VPS13B: variants seen among roughly 807,000 people sequenced by gnomAD.
VPS13B encodes intermembrane lipid transfer protein VPS13B.
VPS13B carries 285 observed loss-of-function variants against 426.4 expected under a neutral mutation model. That is an observed-to-expected ratio of 0.67 (90% confidence interval 0.61 to 0.74). The LOEUF is 0.74. VPS13B is among the 30% of genes least tolerant of loss of function. The pLI, the probability that VPS13B is intolerant of heterozygous loss-of-function variation, is 0.00. For missense variants in VPS13B, 4,537 were observed against 4,782.6 expected, an observed-to-expected ratio of 0.95 and a Z score of 1.51; for synonymous variants, 1,676 against 1,676.4, an observed-to-expected ratio of 1.00 and a Z score of 0.01.
chr8:99,125,579 C>CA (rs1206731953), intron 8 of VPS13B, among the ~76,000 whole-genome samples: 2 of 152,134 alleles, frequency 1.3e-5, no homozygotes, highest in Non-Finnish European at 2.9e-5. Flanking sequence ...TTAGAATATG[C>CA]AAAATCACAG....
At chr8:99,441,931 G>C (rs1433096638) in intron 22 of VPS13B, among the ~76,000 whole-genome samples, 4 of 152,028 alleles carry the variant, frequency 2.6e-5, no homozygotes. Flanking sequence ...GTTGTCTAGT[G>C]TTATAAATTG....
At chr8:99,064,952 T>G (rs1275311047) in intron 3 of VPS13B, among the ~76,000 whole-genome samples, 2 of 152,214 alleles carry the variant, frequency 1.3e-5, no homozygotes, top group East Asian at 3.8e-4. Context: ...GGGGCCAATA[T>G]TCAACATTCT....
At chr8:99,627,716 C>T (rs1029080563) in intron 33 of VPS13B, among the ~76,000 whole-genome samples, 6 of 152,104 alleles carry the variant, frequency 3.9e-5, no homozygotes, top group Non-Finnish European at 1.5e-5. Flanking sequence ...AATATCAAAA[C>T]GTCACACTGT....
At chr8:99,296,366 T>C (rs184569376) in intron 19 of VPS13B, among the ~76,000 whole-genome samples, 3 of 152,300 alleles carry the variant, frequency 2.0e-5, no homozygotes, top group Admixed American at 1.3e-4. Context: ...TAATTAATGA[T>C]AGAAAAATAT....
rs796074933 is a variant in VPS13B at position 99,833,694 on chromosome 8, A to G, written c.9614+1042A>G. On this transcript the variant is annotated intron_variant, in intron 52 of 61. Coordinates refer to ENST00000357162, the MANE Select transcript of VPS13B (RefSeq NM_152564.5). ...TGAAAGCTATATGAACTTATAATAA[A>G]TAAAACATTTTTTAAAAAACAAAAT... is the stretch of plus-strand genomic sequence containing the variant. 2.7e-4 allele frequency among the ~76,000 whole-genome samples: 41 copies of G among 152,380 alleles called. 1 individual carries two copies. Among genetic ancestry groups the G allele is most frequent in the African/African-American group, 9.6e-4 (40 of 41,602 alleles).
chr8:99,861,644 G>A (rs941850254), intron 57 of VPS13B, 132 bp from the exon 58 acceptor site: 1 of 1,203,054 alleles, frequency 8.3e-7, no homozygotes. Context: ...TTGCCTGAGA[G>A]GGAGCCACCA....
chr8:99,310,717 G>A (rs1016215360), intron 19 of VPS13B, among the ~76,000 whole-genome samples: 5 of 152,140 alleles, frequency 3.3e-5, no homozygotes, highest in Admixed American at 3.3e-4. Context: ...GAGTTAGGGA[G>A]GATTCCCTCT....
At chr8:99,515,161 A>G (rs1393185809) in intron 29 of VPS13B, among the ~76,000 whole-genome samples, 3 of 152,016 alleles carry the variant, frequency 2.0e-5, no homozygotes, top group African/African-American at 4.8e-5. Flanking sequence ...AAAGAAGAGG[A>G]AAAAAAAGAA....
chr8:99,249,428 T>A (rs907223746), intron 17 of VPS13B, among the ~76,000 whole-genome samples: 2 of 5,608 alleles, frequency 3.6e-4, no homozygotes, highest in East Asian at 2.5e-3. Context: ...AGTTGAATGG[T>A]TTTTTTTTTT....
chr8:99,365,662 G>A (rs1190658934), intron 19 of VPS13B, among the ~76,000 whole-genome samples: 3 of 151,546 alleles, frequency 2.0e-5, no homozygotes, highest in Admixed American at 6.6e-5. Flanking sequence ...GACTACAGGT[G>A]CACACCACCA....
At chr8:99,755,963 C>T (rs1217879191) in intron 39 of VPS13B, among the ~76,000 whole-genome samples, 1 of 151,680 alleles carries the variant, frequency 6.6e-6, no homozygotes, top group East Asian at 1.9e-4. Context: ...TAAGAAAGTA[C>T]AGCCTGTATA....
At chr8:99,495,304 A>C (rs1820826977) in intron 25 of VPS13B, among the ~76,000 whole-genome samples, 1 of 152,246 alleles carries the variant, frequency 6.6e-6, no homozygotes, top group Non-Finnish European at 1.5e-5. Context: ...ATTTTTATGT[A>C]AATACGTAAA....
rs1817741691 is a variant in VPS13B at position 99,877,373 on chromosome 8, G to A, written c.*1707G>A. On this transcript the variant is annotated 3_prime_UTR_variant, in exon 62 of 62. Transcript: ENST00000357162. The stretch of plus-strand genomic sequence containing the variant: ...TCCTTGTATCTTTTATGGTAATTTT[G>A]CATATTGATATGAATTATATAAAAT... 6.6e-6 allele frequency: 1 copy of A among 152,480 alleles called. No homozygotes were observed. Among genetic ancestry groups the A allele is most frequent in the South Asian group, 2.1e-4 (1 of 4,824 alleles). 9.4% of individuals were successfully genotyped at this position (152,480 alleles called of 1,614,324 possible).
At chr8:99,063,722 T>C (rs777058032) in intron 3 of VPS13B, among the ~76,000 whole-genome samples, 1 of 152,184 alleles carries the variant, frequency 6.6e-6, no homozygotes, top group Non-Finnish European at 1.5e-5. Context: ...AGGAGTGGTT[T>C]TCCCAGCATG....
chr8:99,636,015 CTG>C (rs1829052380), intron 33 of VPS13B, among the ~76,000 whole-genome samples: 1 of 151,970 alleles, frequency 6.6e-6, no homozygotes, highest in Admixed American at 6.6e-5. Context: ...TGGCTAGTAT[CTG>C]TACCGTATAC....
intron 24 of VPS13B, among the ~76,000 whole-genome samples, chr8:99,471,130 A>G (rs1819383557): frequency 6.6e-6 from 1 of 152,154 alleles, no homozygotes; most frequent in Admixed American, 6.6e-5. Context: ...CAGCTGCTCT[A>G]TTCTACAAGA....
At chr8:99,751,975 G>C (rs1810419024) in intron 39 of VPS13B, among the ~76,000 whole-genome samples, 1 of 152,172 alleles carries the variant, frequency 6.6e-6, no homozygotes, top group Admixed American at 6.5e-5. Context: ...ATAATGGACA[G>C]TAAGCCTGCC....
rs1288339042 is a variant in VPS13B at position 99,556,500 on chromosome 8, A to G, written c.4796A>G (p.Asp1599Gly). 3.1e-5 allele frequency: 50 copies of G among 1,613,108 alleles called. No homozygotes were observed. The highest frequency in any genetic ancestry group is 4.0e-5 in the Non-Finnish European group (47 of 1,179,554). The change falls in exon 31 of 62, where the codon GAC (aspartate) becomes GGC (glycine). Residue 1599 changes from aspartate to glycine, a missense_variant. Coordinates refer to ENST00000357162, the MANE Select transcript of VPS13B (RefSeq NM_152564.5). ...ILRDPGSEIE[D>G]RQYQIDLQSI... is the part of the protein sequence containing the mutation. The stretch of plus-strand genomic sequence containing the variant: ...CGAGATCCTGGATCAGAAATCGAAG[A>G]CAGACAATACCAAATAGATCTGCAG...
At chr8:99,336,187 C>T (rs1308362386) in intron 19 of VPS13B, among the ~76,000 whole-genome samples, 1 of 152,046 alleles carries the variant, frequency 6.6e-6, no homozygotes, top group Non-Finnish European at 1.5e-5. Flanking sequence ...TGGAACAGAA[C>T]AGAGCCCTCA....
Sources: gnomAD v4.1 joint callset for allele counts (sites outside exome capture counted in the v4.1 genomes callset) on GRCh38, gnomAD v4.1.1 for gene constraint, MANE v1.5 for transcripts, NCBI Gene and HGNC (gene_info 2026-07-23, HGNC 2026-07-21) for gene names.